CDK9: variants seen among roughly 807,000 people sequenced by gnomAD.
The protein encoded by CDK9 is cyclin dependent kinase 9.
In CDK9, 34 loss-of-function variants were observed where a neutral mutation model predicts 39.0. The ratio of observed to expected loss-of-function variants is 0.87; its 90% CI spans 0.66 to 1.16. The LOEUF (loss-of-function observed/expected upper bound fraction) is 1.16. Among genes scored for constraint, CDK9 ranks in the 50% most tolerant of loss-of-function variants. The pLI is 0.00. For synonymous variants in CDK9, 233 were observed against 196.2 expected (o/e 1.19, Z -1.57); for missense variants, 369 against 503.2 (o/e 0.73, Z 2.55).
rs1200990467 is a variant in CDK9, at chr9:127,789,727, C to G, written c.*184C>G. 4.0e-6 allele frequency: 3 copies of G among 755,102 alleles called. No individual in the cohort carries two copies. Among genetic ancestry groups the G allele is most frequent in the Non-Finnish European group, 4.2e-6 (2 of 480,106 alleles). 46.8% of individuals were successfully genotyped at this position (755,102 alleles called of 1,614,324 possible). A position where few individuals can be genotyped will look rare whatever the true frequency, so the allele number is the denominator to read the frequency against. ...CATTGGCTGAGAGACCAGGAGGGCA[C>G]TGGAGCTGTCTTGTCCTTGCTGGTT... On this transcript the variant is annotated 3_prime_UTR_variant, in exon 7 of 7. Coordinates refer to ENST00000373264, the MANE Select transcript of CDK9 (RefSeq NM_001261.4). The surrounding 1 kb of genome is among the most constrained non-coding windows in gnomAD (Gnocchi z 5.2).
rs10739697 is a variant in CDK9 at position 127,790,085 on chromosome 9, A to T, written c.*542A>T. On this transcript the variant is annotated 3_prime_UTR_variant, in exon 7 of 7. Transcript: ENST00000373264. Reference sequence around the variant, plus strand: ...TAAAAGTTGAATTTTTTTTTTTTTTAAATTTTTTTTTTTCCTCCAGGACTT... The same window carrying T: ...TAAAAGTTGAATTTTTTTTTTTTTTTAATTTTTTTTTTTCCTCCAGGACTT... 61,684 of 144,840 alleles carry T rather than the reference A, an allele frequency of 0.43. 12,717 individuals are homozygous for T. Among genetic ancestry groups the T allele is most frequent in the East Asian group, 0.6 (3,038 of 5,058 alleles). The allele number at this position is 144,840 out of a possible 1,614,324, so 9.0% of individuals were successfully genotyped here. A position where few individuals can be genotyped will look rare whatever the true frequency, so the allele number is the denominator to read the frequency against.
In CDK9 at chr9:127,787,993, C is replaced by T; in HGVS notation, c.312C>T (p.Asp104=). 2 of 1,614,236 alleles carry T rather than the reference C, an allele frequency of 1.2e-6. No individual in the cohort carries two copies. Among genetic ancestry groups the T allele is most frequent in the Non-Finnish European group, 8.5e-7 (1 of 1,180,048 alleles). Residue 104 remains aspartate (D), a synonymous_variant, in exon 4 of 7, where the codon GAC becomes GAT. Transcript: ENST00000373264. ...AGGGTAGTATATACCTGGTGTTCGA[C>T]TTCTGCGAGCATGACCTTGCTGGGC... ...RCKGSIYLVF[D]FCEHDLAGLL...
chr9:127,790,472 A>C lies in CDK9; in HGVS notation c.*929A>C, dbSNP rs567829669. ...CAGGCTGGAGAGAGAAAGTGGGCAG[A>C]GGGTGAAGGGATCACAGGGGTCTTG... On this transcript the variant is annotated 3_prime_UTR_variant, in exon 7 of 7. Coordinates refer to ENST00000373264, the MANE Select transcript of CDK9 (RefSeq NM_001261.4). The C allele has an allele frequency of 6.6e-6, 1 of 152,484 alleles. No individual in the cohort carries two copies. The highest frequency in any genetic ancestry group is 2.1e-4 in the South Asian group (1 of 4,850). 9.4% of individuals were successfully genotyped at this position (152,484 alleles called of 1,614,324 possible). A position where few individuals can be genotyped will look rare whatever the true frequency, so the allele number is the denominator to read the frequency against.
In CDK9 at chr9:127,789,142, G is replaced by A. The variant is rs757828715; in HGVS notation, c.754-36G>A. ...GGGATAAGCCACGCACCTCCTGACC[G>A]GACTCCATATTCTCTCAACGCCCCC... is the stretch of plus-strand genomic sequence containing the variant. On this transcript the variant is annotated intron_variant, in intron 6 of 6. Transcript: ENST00000373264. This position sits in a 1 kb window ranked among gnomAD's most constrained non-coding sequence, Gnocchi z 5.2. 59 of 1,529,092 alleles carry A rather than the reference G, an allele frequency of 3.9e-5. No homozygotes were observed. The highest frequency in any genetic ancestry group is 1.8e-4 in the South Asian group (14 of 78,026). 94.7% of individuals were successfully genotyped at this position (1,529,092 alleles called of 1,614,324 possible).
At chr9:127,788,499 G>C in intron 5 of CDK9, 45 bp from the exon 6 acceptor site, 2 of 1,530,676 alleles carry the variant, frequency 1.3e-6, no homozygotes, top group Non-Finnish European at 1.8e-6. Flanking sequence ...AGCCTCAGGA[G>C]GCCCTCGGGC....
intron 2 of CDK9, 52 bp downstream of exon 2, chr9:127,786,834 G>C: frequency 1.3e-6 from 2 of 1,549,530 alleles, no homozygotes; most frequent in Non-Finnish European, 1.8e-6. Context: ...CGGGACCCCG[G>C]GTCGGTTTTC....
rs977479042 is a variant in CDK9, at chr9:127,790,605, G to A, written c.*1062G>A. The A allele has an allele frequency of 2.6e-5, 4 of 152,098 alleles. No individual in the cohort carries two copies. The highest frequency in any genetic ancestry group is 1.9e-4 in the East Asian group (1 of 5,190). The allele number at this position is 152,098 out of a possible 1,614,324, so 9.4% of individuals were successfully genotyped here. On this transcript the variant is annotated 3_prime_UTR_variant, in exon 7 of 7. Transcript: ENST00000373264. Reference sequence around the variant, plus strand: ...AGGAGCGGCACATTCTGGCAGGCACGTTTTCTGTGAGCCTGAAGTTAGGAA... The same window carrying A: ...AGGAGCGGCACATTCTGGCAGGCACATTTTCTGTGAGCCTGAAGTTAGGAA...
At chr9:127,788,743 AGG>A in intron 6 of CDK9, 51 bp downstream of exon 6, 1 of 1,512,546 alleles carries the variant, frequency 6.6e-7, no homozygotes, top group East Asian at 2.3e-5. Context: ...CCCCCGGCAG[AGG>A]AGGAGTGGGG....
rs1829394426 is a variant in CDK9, at chr9:127,789,703, A to G, written c.*160A>G. On this transcript the variant is annotated 3_prime_UTR_variant, in exon 7 of 7. Coordinates refer to ENST00000373264, the MANE Select transcript of CDK9 (RefSeq NM_001261.4). The surrounding 1 kb of genome is among the most constrained non-coding windows in gnomAD (Gnocchi z 5.2). ...CCCGCTGAGTGGACTGGAGTGGAGC[A>G]TTGGCTGAGAGACCAGGAGGGCACT... 1 of 926,738 alleles carries G rather than the reference A, an allele frequency of 1.1e-6. No individual in the cohort carries two copies. The highest frequency in any genetic ancestry group is 1.6e-6 in the Non-Finnish European group (1 of 633,270). The allele number at this position is 926,738 out of a possible 1,614,324, so 57.4% of individuals were successfully genotyped here.
Position 127,787,414 on chromosome 9 carries a change from C to G in CDK9, c.175-104C>G, listed in dbSNP as rs188112707. The stretch of plus-strand genomic sequence containing the variant: ...GCTTCTGAGACAGCTGGTTTCAGAG[C>G]CCATGATCTTGCTCTGTCTCCCAAC... On this transcript the variant is annotated intron_variant, in intron 2 of 6. Transcript: ENST00000373264. 8.1e-5 allele frequency: 56 copies of G among 692,118 alleles called. No homozygotes were observed. The East Asian group carries it at 1.4e-3, about 17-fold the overall frequency. The allele number at this position is 692,118 out of a possible 1,614,324, so 42.9% of individuals were successfully genotyped here. A position where few individuals can be genotyped will look rare whatever the true frequency, so the allele number is the denominator to read the frequency against.
chr9:127,789,195 C>G lies in CDK9; in HGVS notation c.771C>G (p.Asp257Glu). Residue 257 changes from aspartate (D) to glutamate (E), a missense_variant, in exon 7 of 7, where the codon GAC (aspartate) becomes GAG (glutamate). Transcript: ENST00000373264. This position sits in a 1 kb window ranked among gnomAD's most constrained non-coding sequence, Gnocchi z 5.2. ...SITPEVWPNV[D>E]NYELYEKLEL... Reference sequence around the variant, plus strand: ...CCTCCCAGGTGTGGCCAAACGTGGACAACTATGAGCTGTACGAAAAGCTGG... The same window carrying G: ...CCTCCCAGGTGTGGCCAAACGTGGAGAACTATGAGCTGTACGAAAAGCTGG... The G allele has an allele frequency of 6.3e-7, 1 of 1,581,386 alleles. No individual in the cohort carries two copies. Among genetic ancestry groups the G allele is most frequent in the Non-Finnish European group, 8.6e-7 (1 of 1,159,446 alleles).
chr9:127,789,349 G>A lies in CDK9; in HGVS notation c.925G>A (p.Ala309Thr), dbSNP rs1430649434. 6.2e-6 allele frequency: 10 copies of A among 1,613,808 alleles called. No individual in the cohort carries two copies. Among genetic ancestry groups the A allele is most frequent in the South Asian group, 1.1e-5 (1 of 91,082 alleles). ...TGCCCAGCGCATCGACAGCGATGAC[G>A]CCCTCAACCACGACTTCTTCTGGTC... The part of the protein sequence containing the change: ...DPAQRIDSDD[A>T]LNHDFFWSDP... The change falls in exon 7 of 7, where the codon GCC becomes ACC. Residue 309 changes from alanine to threonine, a missense_variant. By Grantham distance (58) the Ala-to-Thr change is moderately conservative. Transcript: ENST00000373264. The surrounding 1 kb of genome is among the most constrained non-coding windows in gnomAD (Gnocchi z 5.2).
At position 127,786,252 on chromosome 9, in the gene CDK9, C is replaced by T; in HGVS notation, c.92+12C>T. On this transcript the variant is annotated intron_variant, in intron 1 of 6. Coordinates refer to ENST00000373264, the MANE Select transcript of CDK9 (RefSeq NM_001261.4). ...CAAGGCACCTTCGGGTAAGGCTGGG[C>T]CCCTCGGGGCCGGGAGCCCTGGGCC... 1.2e-6 allele frequency: 2 copies of T among 1,602,372 alleles called. No homozygotes were observed. Among genetic ancestry groups the T allele is most frequent in the Admixed American group, 1.7e-5 (1 of 58,780 alleles).
intron 1 of CDK9, 31 bp from the exon 2 acceptor site, chr9:127,786,670 T>C: frequency 6.3e-7 from 1 of 1,598,592 alleles, no homozygotes; most frequent in South Asian, 1.1e-5. Flanking sequence ...AATGGCCTGA[T>C]GAGTTCTCGG....
intron 2 of CDK9, among the ~76,000 whole-genome samples, chr9:127,787,113 T>C (rs1468464216): frequency 6.6e-6 from 1 of 152,192 alleles, no homozygotes; most frequent in Non-Finnish European, 1.5e-5. Context: ...TGTCTGATAC[T>C]CAATTATTTA....
In CDK9 at chr9:127,788,314, A is replaced by G; in HGVS notation, c.533A>G (p.Lys178Arg). 6.2e-7 allele frequency: 1 copy of G among 1,612,932 alleles called. No individual in the cohort carries two copies. The highest frequency in any genetic ancestry group is 8.5e-7 in the Non-Finnish European group (1 of 1,179,954). ...CTGGCCCGGGCCTTCAGCCTGGCCA[A>G]GAACAGCCAGCCCAACCGCTACACC... ...FGLARAFSLA[K>R]NSQPNRYTNR... The change falls in exon 5 of 7, where the codon AAG becomes AGG. Residue 178 changes from lysine (K) to arginine (R), a missense_variant. Lys to Arg is a conservative substitution (Grantham distance 26). Transcript: ENST00000373264.
At chr9:127,788,412 G>A (rs1477704656) in intron 5 of CDK9, 27 bp downstream of exon 5, 1 of 1,600,392 alleles carries the variant, frequency 6.2e-7, no homozygotes, top group South Asian at 1.1e-5. Context: ...GGGCCAAGGG[G>A]GGTGAGGGCC....
chr9:127,789,032 G>A lies in CDK9; in HGVS notation c.754-146G>A, dbSNP rs185111954. 8.7e-4 allele frequency: 905 copies of A among 1,034,340 alleles called. 8 individuals carry two copies. The African/African-American group carries it at 0.013, about 15-fold the overall frequency. The allele number at this position is 1,034,340 out of a possible 1,614,324, so 64.1% of individuals were successfully genotyped here. ...CACGTGGTATGTGCCAATCCATAGC[G>A]GGCACTGCTTCTGGGAGGGGTCGAG... On this transcript the variant is annotated intron_variant, in intron 6 of 6. Coordinates refer to ENST00000373264, the MANE Select transcript of CDK9 (RefSeq NM_001261.4). The surrounding 1 kb of genome is among the most constrained non-coding windows in gnomAD (Gnocchi z 5.2).
intron 5 of CDK9, 57 bp downstream of exon 5, chr9:127,788,442 T>C: frequency 6.4e-7 from 1 of 1,559,894 alleles, no homozygotes. Context: ...CCTGGCCCCT[T>C]CCCCCCAACT....
Sources: allele counts gnomAD v4.1 joint callset (sites outside exome capture counted in the v4.1 genomes callset), GRCh38; gene constraint gnomAD v4.1.1; non-coding constraint Gnocchi (gnomAD v3.1); transcripts MANE v1.5; gene names NCBI Gene and HGNC (gene_info 2026-07-23, HGNC 2026-07-21).